The following FOXN3 variants were observed in gnomAD, a reference collection of about 807,000 sequenced individuals.
The protein encoded by FOXN3 is forkhead box protein N3.
A neutral mutation model predicts 38.4 loss-of-function variants in FOXN3; 7 were observed. That is an observed-to-expected ratio of 0.18 (90% confidence interval 0.10 to 0.34). The LOEUF is 0.34. FOXN3 is among the 10% of genes least tolerant of loss of function. The pLI, the probability that FOXN3 is intolerant of heterozygous loss-of-function variation, is 1.00. For missense variants in FOXN3, 456 were observed against 613.4 expected, an observed-to-expected ratio of 0.74 and a Z score of 2.71; for synonymous variants, 230 against 242.2, an observed-to-expected ratio of 0.95 and a Z score of 0.47.
intron 1 of FOXN3, among the ~76,000 whole-genome samples, chr14:89,604,512 GA>G (rs760719346): frequency 1.3e-5 from 2 of 152,108 alleles, no homozygotes; most frequent in Non-Finnish European, 2.9e-5. Flanking sequence ...TAGAAATATA[GA>G]AATAGAAAAG....
intron 4 of FOXN3, among the ~76,000 whole-genome samples, chr14:89,193,151 G>A (rs894630430): frequency 6.6e-6 from 1 of 151,996 alleles, no homozygotes; most frequent in Non-Finnish European, 1.5e-5. Flanking sequence ...TGCTACAGGT[G>A]ACCATGGTTG....
intron 2 of FOXN3, among the ~76,000 whole-genome samples, chr14:89,389,682 T>C (rs1469904810): frequency 6.6e-6 from 1 of 152,208 alleles, no homozygotes; most frequent in East Asian, 1.9e-4. Flanking sequence ...CACGGTGGGA[T>C]GGCTAGAAAT....
chr14:89,570,007 T>G (rs1458135283), intron 1 of FOXN3, among the ~76,000 whole-genome samples: 2 of 151,910 alleles, frequency 1.3e-5, no homozygotes, highest in Admixed American at 1.3e-4. Context: ...TGGTATGTTT[T>G]TTTTTTTTTT....
At chr14:89,367,268 C>A (rs1016496063) in intron 2 of FOXN3, among the ~76,000 whole-genome samples, 1 of 152,168 alleles carries the variant, frequency 6.6e-6, no homozygotes, top group African/African-American at 2.4e-5. Flanking sequence ...GGAGACACTG[C>A]CTCTACAGTG....
chr14:89,265,550 GCA>G (rs1290553768), intron 4 of FOXN3, among the ~76,000 whole-genome samples: 2 of 152,124 alleles, frequency 1.3e-5, no homozygotes, highest in African/African-American at 4.8e-5. Context: ...TCACTTGGAA[GCA>G]CACAGATGAA....
chr14:89,554,326 TG>T (rs1166879187), intron 1 of FOXN3, among the ~76,000 whole-genome samples: 2 of 151,916 alleles, frequency 1.3e-5, no homozygotes. Flanking sequence ...TTTCTAGAGA[TG>T]AGGTCTCATA....
intron 1 of FOXN3, among the ~76,000 whole-genome samples, chr14:89,585,781 G>A: frequency 1.3e-5 from 2 of 150,250 alleles, no homozygotes; most frequent in Admixed American, 1.3e-4. Flanking sequence ...AAGAAAGGAA[G>A]GAAGAAAGAA....
chr14:89,318,750 C>T (rs1212189611), intron 3 of FOXN3, among the ~76,000 whole-genome samples: 5 of 152,172 alleles, frequency 3.3e-5, no homozygotes, highest in African/African-American at 9.7e-5. Flanking sequence ...CCTGGTTGTG[C>T]GCAGCAGTGA....
At chr14:89,502,670 C>A (rs1019558148) in intron 1 of FOXN3, among the ~76,000 whole-genome samples, 2 of 152,032 alleles carry the variant, frequency 1.3e-5, no homozygotes, top group African/African-American at 4.8e-5. Context: ...TGAAGATGTA[C>A]AGTGTATAAA....
chr14:89,308,157 C>T (rs1041787817), intron 3 of FOXN3, among the ~76,000 whole-genome samples: 2 of 152,120 alleles, frequency 1.3e-5, no homozygotes, highest in Non-Finnish European at 2.9e-5. Flanking sequence ...CCCAGCTACT[C>T]GGGAGGCTGA....
At chr14:89,568,773 A>C (rs1266679777) in intron 1 of FOXN3, among the ~76,000 whole-genome samples, 1 of 152,250 alleles carries the variant, frequency 6.6e-6, no homozygotes, top group Non-Finnish European at 1.5e-5. Flanking sequence ...CACAATGAAT[A>C]AATAAAATGC....
Position 89,164,081 on chromosome 14 carries a change from T to G in FOXN3, c.852-1112A>C, listed in dbSNP as rs375883780. Among the ~76,000 whole-genome samples, 3 of 152,328 alleles carry G rather than the reference T, an allele frequency of 2.0e-5. No homozygotes were observed. In the East Asian group the frequency reaches 5.8e-4, roughly 29 times the overall value. ...GTGGGTGTGGGGCTGAGGACACGAATTAATGCCTGCAGGTGCCTGGACCAC... is the reference window on the plus strand; with the variant it reads ...GTGGGTGTGGGGCTGAGGACACGAAGTAATGCCTGCAGGTGCCTGGACCAC... On this transcript the variant is annotated intron_variant, in intron 5 of 5. Transcript: ENST00000557258. The surrounding 1 kb of genome is among the most constrained non-coding windows in gnomAD (Gnocchi z 4.3).
At chr14:89,356,837 GAAAT>G (rs1889249759) in intron 2 of FOXN3, among the ~76,000 whole-genome samples, 2 of 152,180 alleles carry the variant, frequency 1.3e-5, no homozygotes, top group African/African-American at 2.4e-5. Context: ...AGTAAGTAAA[GAAAT>G]AAATAAGCAA....
chr14:89,401,651 A>C (rs1566641748), intron 2 of FOXN3: 1 of 456,006 alleles, frequency 2.2e-6, no homozygotes. Context: ...GATTAGAGTC[A>C]GCGCTCACAT....
chr14:89,363,961 TATATATA>T lies in FOXN3; in HGVS notation c.544-13160_544-13154del, dbSNP rs1239182827. Among the ~76,000 whole-genome samples, 5 of 14,678 alleles carry T rather than the reference TATATATA, an allele frequency of 3.4e-4. No homozygotes were observed. The South Asian group carries it at 0.011, about 33-fold the overall frequency. The allele number at this position is 14,678 out of a possible 152,430, so 9.6% of individuals were successfully genotyped here. A position where few individuals can be genotyped will look rare whatever the true frequency, so the allele number is the denominator to read the frequency against. Reference sequence around the variant, plus strand: ...CCTGTCTGTAAAATATATATATATATATATATATATATATATATATATATATAATATA... The same window carrying T: ...CCTGTCTGTAAAATATATATATATATTATATATATATATATATATAATATA... On this transcript the variant is annotated intron_variant, in intron 2 of 5. Coordinates refer to ENST00000557258, the MANE Select transcript of FOXN3 (RefSeq NM_005197.4).
At chr14:89,189,632 CTT>C (rs1370905284) in intron 4 of FOXN3, among the ~76,000 whole-genome samples, 1 of 152,198 alleles carries the variant, frequency 6.6e-6, no homozygotes, top group Non-Finnish European at 1.5e-5. Context: ...GGACAGATAT[CTT>C]TGTTTGAAGT....
chr14:89,346,278 C>T (rs1284184689), intron 3 of FOXN3, among the ~76,000 whole-genome samples: 1 of 152,302 alleles, frequency 6.6e-6, no homozygotes, highest in African/African-American at 2.4e-5. Context: ...AACTAAACTG[C>T]ACAGTTAATT....
At chr14:89,347,692 G>A (rs1019611726) in intron 3 of FOXN3, among the ~76,000 whole-genome samples, 22 of 152,174 alleles carry the variant, frequency 1.4e-4, no homozygotes, top group African/African-American at 5.3e-4. Flanking sequence ...GGTGGCTCAC[G>A]CCTGTAATCC....
chr14:89,536,230 T>A (rs1894683076), intron 1 of FOXN3, among the ~76,000 whole-genome samples: 1 of 152,216 alleles, frequency 6.6e-6, no homozygotes, highest in South Asian at 2.1e-4. Flanking sequence ...AAATCCTGGC[T>A]ATGCCACTAG....
Sources: allele counts gnomAD v4.1 joint callset (sites outside exome capture counted in the v4.1 genomes callset), GRCh38; gene constraint gnomAD v4.1.1; non-coding constraint Gnocchi (gnomAD v3.1); transcripts MANE v1.5; gene names NCBI Gene and HGNC (gene_info 2026-07-23, HGNC 2026-07-21).